Variants in CLIP3 observed in about 807,000 individuals in gnomAD.
CLIP3 encodes CAP-Gly domain containing linker protein 3.
A neutral mutation model predicts 59.4 loss-of-function variants in CLIP3; 15 were observed. That is an observed-to-expected ratio of 0.25 (90% CI 0.17 to 0.39). The LOEUF is 0.39. Ranked by LOEUF, CLIP3 falls within the 10% of genes least tolerant of loss-of-function variation. The probability of loss-of-function intolerance (pLI) is 1.00; values close to 1 mark genes in which losing one functional copy is unlikely to be tolerated. For synonymous variants in CLIP3, 300 were observed against 321.6 expected, an observed-to-expected ratio of 0.93 and a Z score of 0.72; for missense variants, 495 against 765.7, an observed-to-expected ratio of 0.65 and a Z score of 4.17.
At chr19:36,017,120 C>T (rs1169107610) in intron 12 of CLIP3, 141 bp from the exon 13 acceptor site, 2 of 915,540 alleles carry the variant, frequency 2.2e-6, no homozygotes, top group East Asian at 2.6e-5. Context: ...CCATCTGGGC[C>T]TCTTGTCCAT....
At chr19:36,019,063 C>A (rs1439326673) in intron 8 of CLIP3, 37 bp from the exon 9 acceptor site, 3 of 1,586,554 alleles carry the variant, frequency 1.9e-6, no homozygotes, top group Non-Finnish European at 2.6e-6. Context: ...GTTGTCCAAG[C>A]CTCTGCCCTC....
intron 6 of CLIP3, among the ~76,000 whole-genome samples, chr19:36,025,155 T>C (rs891712688): frequency 1.3e-5 from 2 of 151,054 alleles, no homozygotes; most frequent in Non-Finnish European, 2.9e-5. Flanking sequence ...TGGGGGTGTG[T>C]CAAGTAATTG....
chr19:36,024,357 C>A, intron 7 of CLIP3, 39 bp downstream of exon 7: 9 of 1,542,660 alleles, frequency 5.8e-6, no homozygotes, highest in Non-Finnish European at 7.1e-6. Context: ...CTGAGTCCCA[C>A]CCCCACCCAC....
chr19:36,023,949 C>G (rs1485969689), intron 7 of CLIP3, among the ~76,000 whole-genome samples: 2 of 152,184 alleles, frequency 1.3e-5, no homozygotes, highest in Non-Finnish European at 2.9e-5. Flanking sequence ...TTCTCCCTTT[C>G]TTTCCCTGGC....
Position 36,016,880 on chromosome 19 carries a change from G to A in CLIP3, c.1589+27C>T. 1 of 1,609,636 alleles carries A rather than the reference G, an allele frequency of 6.2e-7. No homozygotes were observed. On this transcript the variant is annotated intron_variant, in intron 13 of 13. Coordinates refer to ENST00000360535, the MANE Select transcript of CLIP3 (RefSeq NM_015526.3). This position sits in a 1 kb window ranked among gnomAD's most constrained non-coding sequence, Gnocchi z 4.1. ...ATCCCTCTCCCTGAATGTCACATAG[G>A]AGAGGGGACAGGGGTTGGCCACACA...
chr19:36,026,874 G>A lies in CLIP3; in HGVS notation c.400+78C>T. 12 of 1,523,984 alleles carry A rather than the reference G, an allele frequency of 7.9e-6. No individual in the cohort carries two copies. Among genetic ancestry groups the A allele is most frequent in the Non-Finnish European group, 1.1e-5 (12 of 1,137,570 alleles). 94.4% of individuals were successfully genotyped at this position (1,523,984 alleles called of 1,614,324 possible). Reference sequence around the variant, plus strand: ...GCTTCGGGTTCCAGATGGGGCCTGAGTTCTGGGTGGTTTTCAGCGTGTTGG... The same window carrying A: ...GCTTCGGGTTCCAGATGGGGCCTGAATTCTGGGTGGTTTTCAGCGTGTTGG... On this transcript the variant is annotated intron_variant, in intron 4 of 13. Coordinates refer to ENST00000360535, the MANE Select transcript of CLIP3 (RefSeq NM_015526.3). This position sits in a 1 kb window ranked among gnomAD's most constrained non-coding sequence, Gnocchi z 6.3.
chr19:36,031,951 T>C (rs994022422), intron 2 of CLIP3, among the ~76,000 whole-genome samples: 1 of 152,116 alleles, frequency 6.6e-6, no homozygotes, highest in Non-Finnish European at 1.5e-5. Flanking sequence ...TTTCAAAAAA[T>C]GATTGTTGAA....
chr19:36,032,440 G>T lies in CLIP3; in HGVS notation c.-58-25C>A. The T allele has an allele frequency of 1.6e-6, 1 of 633,346 alleles. No homozygotes were observed. Among genetic ancestry groups the T allele is most frequent in the Non-Finnish European group, 2.3e-6 (1 of 435,020 alleles). 39.2% of individuals were successfully genotyped at this position (633,346 alleles called of 1,614,324 possible). On this transcript the variant is annotated intron_variant, in intron 1 of 13. Transcript: ENST00000360535. The surrounding 1 kb of genome is among the most constrained non-coding windows in gnomAD (Gnocchi z 4.3). ...CCTGGAGGCAGAGGTCAGCTGGAGA[G>T]GGTGCCCGGCAGGCTCCAGGGTCCA...
intron 6 of CLIP3, among the ~76,000 whole-genome samples, chr19:36,025,463 T>C (rs527739941): frequency 1.9e-4 from 29 of 152,026 alleles, no homozygotes; most frequent in South Asian, 6.2e-4. Context: ...TGGTGGCGCA[T>C]GCCTATAATT....
At position 36,026,083 on chromosome 19, in the gene CLIP3, C is replaced by G; in HGVS notation, c.681+64G>C. The G allele has an allele frequency of 7.8e-7, 1 of 1,275,878 alleles. No homozygotes were observed. The allele number at this position is 1,275,878 out of a possible 1,614,324, so 79.0% of individuals were successfully genotyped here. On this transcript the variant is annotated intron_variant, in intron 6 of 13. Coordinates refer to ENST00000360535, the MANE Select transcript of CLIP3 (RefSeq NM_015526.3). This position sits in a 1 kb window ranked among gnomAD's most constrained non-coding sequence, Gnocchi z 6.3. ...GAGTCACGGGAAACGCAGAGACCTG[C>G]TGGAGGGAAGTGGGGGAGGAAGGGA...
chr19:36,030,299 C>T (rs1311850413), intron 2 of CLIP3, among the ~76,000 whole-genome samples: 3 of 152,156 alleles, frequency 2.0e-5, no homozygotes, highest in Admixed American at 6.6e-5. Context: ...GCAATCCTCC[C>T]ACCTTGGCCT....
At chr19:36,017,621 G>A in intron 11 of CLIP3, 34 bp downstream of exon 11, 2 of 1,612,990 alleles carry the variant, frequency 1.2e-6, no homozygotes, top group Non-Finnish European at 1.7e-6. Context: ...GCTCCAGGTG[G>A]TGCCCTGGGT....
In CLIP3 at chr19:36,016,008, T is replaced by C. The variant is rs1968786605; in HGVS notation, c.*150A>G. On this transcript the variant is annotated 3_prime_UTR_variant, in exon 14 of 14. Transcript: ENST00000360535. The surrounding 1 kb of genome is among the most constrained non-coding windows in gnomAD (Gnocchi z 4.1). ...GGGTTATTATGGGAGTATCTGTTAA[T>C]AATGGGGCCTCAATGATCGAGGGCT... 1.3e-5 allele frequency: 10 copies of C among 756,554 alleles called. No individual in the cohort carries two copies. The South Asian group carries it at 1.6e-4, about 12-fold the overall frequency. 46.9% of individuals were successfully genotyped at this position (756,554 alleles called of 1,614,324 possible). A position where few individuals can be genotyped will look rare whatever the true frequency, so the allele number is the denominator to read the frequency against.
chr19:36,029,850 C>T (rs996886680), intron 2 of CLIP3, among the ~76,000 whole-genome samples: 6 of 152,044 alleles, frequency 3.9e-5, no homozygotes, highest in Non-Finnish European at 7.4e-5. Flanking sequence ...TCTCCCTGTC[C>T]TCGACCACAT....
At position 36,032,238 on chromosome 19, in the gene CLIP3, C is replaced by T. The variant is rs866885610; in HGVS notation, c.120G>A (p.Lys40=). The T allele has an allele frequency of 7.7e-7, 1 of 1,306,880 alleles. No homozygotes were observed. Among genetic ancestry groups the T allele is most frequent in the Non-Finnish European group, 9.8e-7 (1 of 1,018,368 alleles). 81.0% of individuals were successfully genotyped at this position (1,306,880 alleles called of 1,614,324 possible). A position where few individuals can be genotyped will look rare whatever the true frequency, so the allele number is the denominator to read the frequency against. ...CAGGTGCCGAGGGGTGCACAACAGG[C>T]TTCTGCCGGCGCTCCTGGGTGGGGC... The part of the protein sequence containing the change: ...APSPTQERRQ[K]PVVHPSAPAP... Residue 40 remains lysine, a synonymous_variant, in exon 2 of 14, where the codon AAG becomes AAA. Transcript: ENST00000360535. The surrounding 1 kb of genome is among the most constrained non-coding windows in gnomAD (Gnocchi z 4.3).
chr19:36,023,590 G>A (rs2145399679), intron 7 of CLIP3, among the ~76,000 whole-genome samples: 1 of 150,304 alleles, frequency 6.7e-6, no homozygotes, highest in Middle Eastern at 3.4e-3. Context: ...TTCAATAGAG[G>A]CAGGATCTCA....
rs754825382 is a variant in CLIP3 at position 36,017,941 on chromosome 19, C to T, written c.1234G>A (p.Asp412Asn). 3.7e-6 allele frequency: 6 copies of T among 1,614,036 alleles called. No homozygotes were observed. The highest frequency in any genetic ancestry group is 4.2e-6 in the Non-Finnish European group (5 of 1,180,050). The change falls in exon 10 of 14, where the codon GAC becomes AAC. Residue 412 changes from aspartate to asparagine, a missense_variant. This residue lies in a region of CLIP3 where 179 missense variants were observed against 226.2 expected (regional missense o/e 0.79). Transcript: ENST00000360535. Reference protein sequence around the residue: ...SPSLGSLQQRDGAKAEVGDQV... With the variant: ...SPSLGSLQQRNGAKAEVGDQV... Reference sequence around the variant, plus strand: ...TCTCCAACCTCAGCCTTGGCCCCGTCACGCTGCTGCAAGCTGCCCAGAGAT... The same window carrying T: ...TCTCCAACCTCAGCCTTGGCCCCGTTACGCTGCTGCAAGCTGCCCAGAGAT...
At position 36,018,945 on chromosome 19, in the gene CLIP3, C is replaced by T. The variant is rs368502619; in HGVS notation, c.1136G>A (p.Arg379Gln). The T allele has an allele frequency of 9.3e-6, 15 of 1,611,870 alleles. No individual in the cohort carries two copies. Among genetic ancestry groups the T allele is most frequent in the African/African-American group, 1.3e-5 (1 of 74,838 alleles). Residue 379 changes from arginine (R) to glutamine (Q), a missense_variant, in exon 9 of 14, where the codon CGG becomes CAG. Around this residue, in one of 5 missense-constraint regions of CLIP3, gnomAD observed 179 missense variants for 226.2 expected, o/e 0.79. Coordinates refer to ENST00000360535, the MANE Select transcript of CLIP3 (RefSeq NM_015526.3). The part of the protein sequence containing the change: ...SSVTSTPRTP[R>Q]MDFSRVTGKG... Reference sequence around the variant, plus strand: ...GCCGGTGACACGGGAGAAGTCCATCCGGGGGGTCCGGGGTGTGGAGGTGAC... The same window carrying T: ...GCCGGTGACACGGGAGAAGTCCATCTGGGGGGTCCGGGGTGTGGAGGTGAC...
In CLIP3 at chr19:36,019,275, T is replaced by C. The variant is rs1260342929; in HGVS notation, c.950A>G (p.Glu317Gly). ...GCCCACCCACTGGCCGCTGGCAAAC[T>C]CCGTGGTCCCACAGAACCGCAGTGT... ...TGTLRFCGTT[E>G]FASGQWVGVE... The change falls in exon 8 of 14, where the codon GAG (glutamate) becomes GGG (glycine). Residue 317 changes from glutamate to glycine, a missense_variant. Physicochemically the swap from Glu to Gly is moderately conservative, Grantham distance 98. Transcript: ENST00000360535. 1 of 1,613,428 alleles carries C rather than the reference T, an allele frequency of 6.2e-7. No individual in the cohort carries two copies.
Sources: allele counts gnomAD v4.1 joint callset (sites outside exome capture counted in the v4.1 genomes callset), GRCh38; gene constraint gnomAD v4.1.1; regional missense constraint gnomAD v4.1.1; non-coding constraint Gnocchi (gnomAD v3.1); transcripts MANE v1.5; gene names NCBI Gene and HGNC (gene_info 2026-07-23, HGNC 2026-07-21).